Variants in BECN1 observed in about 807,000 individuals in gnomAD.
BECN1 encodes the protein beclin-1.
BECN1 carries 15 observed loss-of-function variants against 60.1 expected under a neutral mutation model. The observed-to-expected ratio is 0.25, with a 90% CI of 0.17 to 0.38. BECN1 has a LOEUF of 0.38. Among genes scored for constraint, BECN1 ranks in the 10% least tolerant of loss-of-function variants. BECN1 has a pLI of 1.00. For missense variants in BECN1, 424 were observed against 548.2 expected, an observed-to-expected ratio of 0.77 and a Z score of 2.26; for synonymous variants, 179 against 201.8, an observed-to-expected ratio of 0.89 and a Z score of 0.96.
chr17:42,817,208 T>C (rs796119054), intron 7 of BECN1, among the ~76,000 whole-genome samples: 2 of 151,710 alleles, frequency 1.3e-5, no homozygotes, highest in African/African-American at 4.8e-5. Context: ...GGCGGGAGGA[T>C]TGCTTAGGTG....
chr17:42,817,206 G>A (rs2144179930), intron 7 of BECN1, among the ~76,000 whole-genome samples: 1 of 151,418 alleles, frequency 6.6e-6, no homozygotes, highest in East Asian at 1.9e-4. Flanking sequence ...GAGGCGGGAG[G>A]ATTGCTTAGG....
chr17:42,819,933 A>G (rs1012194808), intron 3 of BECN1, among the ~76,000 whole-genome samples: 1 of 152,218 alleles, frequency 6.6e-6, no homozygotes, highest in South Asian at 2.1e-4. Flanking sequence ...GCCCTAAATC[A>G]TAGTACAAGG....
At chr17:42,813,518 A>T (rs2055080257) in intron 10 of BECN1, 2 of 154,984 alleles carry the variant, frequency 1.3e-5, no homozygotes, top group Non-Finnish European at 2.9e-5. Flanking sequence ...TCTGGGCAAC[A>T]GAGCAAGACT....
intron 8 of BECN1, 136 bp downstream of exon 8, chr17:42,815,772 A>C: frequency 8.9e-7 from 1 of 1,128,174 alleles, no homozygotes; most frequent in Non-Finnish European, 1.3e-6. Flanking sequence ...CTATCCCATC[A>C]CTATGAATGA....
At chr17:42,815,710 T>C (rs1438503477) in intron 8 of BECN1, 198 bp downstream of exon 8, 2 of 675,706 alleles carry the variant, frequency 3.0e-6, no homozygotes, top group Non-Finnish European at 4.9e-6. Flanking sequence ...CCTTTTCCTT[T>C]CTTTAGAAGG....
chr17:42,812,913 T>C (rs28809173), intron 10 of BECN1: 1 of 140,136 alleles, frequency 7.1e-6, no homozygotes, highest in Non-Finnish European at 1.5e-5. Context: ...CGGCTTACTG[T>C]AAGCTCTGCC....
chr17:42,816,150 A>C lies in BECN1; in HGVS notation c.684-96T>G, dbSNP rs1044701521. On this transcript the variant is annotated intron_variant, in intron 7 of 11. Coordinates refer to ENST00000590099, the MANE Select transcript of BECN1 (RefSeq NM_001313998.2). ...GAACGATTCTTTAGTGATCATCGTT[A>C]CATCTAGCTCTCGCATCTTTTATAT... 7 of 1,274,432 alleles carry C rather than the reference A, an allele frequency of 5.5e-6. No individual in the cohort carries two copies. In the East Asian group the frequency reaches 1.7e-4, roughly 31 times the overall value. 78.9% of individuals were successfully genotyped at this position (1,274,432 alleles called of 1,614,324 possible).
Position 42,816,026 on chromosome 17 carries a change from G to A in BECN1, c.712C>T (p.Arg238Ter). The part of the protein sequence containing the change: ...QYQREYSEFK[R>*]QQLELDDELK... ...TCATCATCCAGCTCCAGCTGCTGTC[G>A]TTTAAATTCACTGTATTCTCTCTGA... Residue 238 changes from arginine to a stop codon, truncating the protein, a stop_gained, in exon 8 of 12, where the codon CGA becomes TGA. Transcript: ENST00000590099. LOFTEE classifies it high-confidence loss of function. The A allele has an allele frequency of 6.2e-7, 1 of 1,605,944 alleles. No individual in the cohort carries two copies. The highest frequency in any genetic ancestry group is 8.5e-7 in the Non-Finnish European group (1 of 1,175,936).
intron 11 of BECN1, chr17:42,811,238 A>G (rs1326464992): frequency 3.6e-5 from 11 of 306,708 alleles, no homozygotes; most frequent in Non-Finnish European, 5.9e-5. Context: ...GCGGGGGAGA[A>G]AGGAGGCAGA....
chr17:42,816,932 T>C (rs2144178836), intron 7 of BECN1, among the ~76,000 whole-genome samples: 1 of 152,008 alleles, frequency 6.6e-6, no homozygotes, highest in African/African-American at 2.4e-5. Context: ...ATCATGCCAC[T>C]GCACTCCAGC....
intron 4 of BECN1, 113 bp from the exon 5 acceptor site, chr17:42,818,990 C>T: frequency 1.7e-6 from 2 of 1,200,984 alleles, no homozygotes; most frequent in Admixed American, 4.3e-5. Flanking sequence ...CCTCAAGGAA[C>T]ATACCCACTC....
chr17:42,815,685 G>A (rs1817093531), intron 8 of BECN1: 3 of 576,774 alleles, frequency 5.2e-6, no homozygotes, highest in African/African-American at 1.9e-5. Flanking sequence ...TTTTTAAGTG[G>A]CTGAAGGGCT....
At chr17:42,812,859 G>C (rs2055054774) in intron 10 of BECN1, 1 of 94,030 alleles carries the variant, frequency 1.1e-5, no homozygotes, top group African/African-American at 4.4e-5. Flanking sequence ...TTTTGAGACA[G>C]AGGCTTGCTT....
chr17:42,823,523 G>A (rs1235969758), intron 2 of BECN1, among the ~76,000 whole-genome samples: 1 of 151,964 alleles, frequency 6.6e-6, no homozygotes, highest in Non-Finnish European at 1.5e-5. Flanking sequence ...CAAAATGCTG[G>A]GATTACAGGC....
Position 42,818,382 on chromosome 17 carries a change from C to G in BECN1, c.522G>C (p.Glu174Asp), listed in dbSNP as rs748326580. 3 of 1,614,196 alleles carry G rather than the reference C, an allele frequency of 1.9e-6. No individual in the cohort carries two copies. The South Asian group carries it at 3.3e-5, about 18-fold the overall frequency. ...CCATCTGTAACTGTTCACTGTCATC[C>G]TCATTCATTTGCTCTAAGATCTCCA... is the stretch of plus-strand genomic sequence containing the variant. ...RCLEILEQMN[E>D]DDSEQLQMEL... Residue 174 changes from glutamate (E) to aspartate (D), a missense_variant, in exon 7 of 12, where the codon GAG becomes GAC. Transcript: ENST00000590099.
intron 10 of BECN1, among the ~76,000 whole-genome samples, chr17:42,813,308 G>T (rs1010954030): frequency 2.6e-5 from 4 of 151,904 alleles, no homozygotes; most frequent in African/African-American, 9.7e-5. Flanking sequence ...GCTGAGGCGG[G>T]TGGATCACCT....
chr17:42,824,232 G>A lies in BECN1; in HGVS notation c.-80C>T. The stretch of plus-strand genomic sequence containing the variant: ...GGCCTCGGGTCGGCCCCGGAGCGAG[G>A]CCTCCAGAACTACCATCGCTCTGTC... On this transcript the variant is annotated 5_prime_UTR_variant, in exon 1 of 12. Transcript: ENST00000590099. 2.5e-6 allele frequency: 1 copy of A among 407,354 alleles called. No homozygotes were observed. Among genetic ancestry groups the A allele is most frequent in the Non-Finnish European group, 4.4e-6 (1 of 229,876 alleles). The allele number at this position is 407,354 out of a possible 1,614,324, so 25.2% of individuals were successfully genotyped here.
At chr17:42,815,255 A>G (rs2055121971) in intron 8 of BECN1, among the ~76,000 whole-genome samples, 1 of 151,038 alleles carries the variant, frequency 6.6e-6, no homozygotes. Context: ...CTTCAGTCAC[A>G]ATAAGCTCCT....
chr17:42,813,778 A>C, intron 10 of BECN1, 170 bp downstream of exon 10: 3 of 508,212 alleles, frequency 5.9e-6, no homozygotes, highest in Non-Finnish European at 1.0e-5. Flanking sequence ...ATTTCTGTCT[A>C]CAAGACCCCC....
Sources: allele counts gnomAD v4.1 joint callset (sites outside exome capture counted in the v4.1 genomes callset), GRCh38; gene constraint gnomAD v4.1.1; transcripts MANE v1.5; gene names NCBI Gene and HGNC (gene_info 2026-07-23, HGNC 2026-07-21).